Variants in LRRC4C observed in about 807,000 individuals in gnomAD.
LRRC4C encodes leucine-rich repeat-containing protein 4C.
Under a neutral mutation model 33.6 loss-of-function variants are expected in LRRC4C, and 5 were observed. That is an observed-to-expected ratio of 0.15 (90% CI 0.08 to 0.31). The LOEUF is 0.31. LRRC4C is among the 10% of genes least tolerant of loss of function. The pLI is 1.00. For missense variants in LRRC4C, 560 were observed against 796.7 expected, an observed-to-expected ratio of 0.70 and a Z score of 3.58; for synonymous variants, 329 against 302.0, an observed-to-expected ratio of 1.09 and a Z score of -0.93.
chr11:41,145,100 A>T (rs571315664), intron 1 of LRRC4C, among the ~76,000 whole-genome samples: 1 of 152,208 alleles, frequency 6.6e-6, no homozygotes, highest in African/African-American at 2.4e-5. Flanking sequence ...TGAGCAAAGC[A>T]TATAATCACA....
chr11:40,129,500 C>G (rs1340556445), intron 6 of LRRC4C, among the ~76,000 whole-genome samples: 2 of 152,048 alleles, frequency 1.3e-5, no homozygotes, highest in East Asian at 1.9e-4. Context: ...AACATGATTG[C>G]CTTGAAAATT....
chr11:40,775,045 A>C (rs1354574542), intron 2 of LRRC4C, among the ~76,000 whole-genome samples: 3 of 151,938 alleles, frequency 2.0e-5, no homozygotes, highest in Non-Finnish European at 4.4e-5. Flanking sequence ...ATAAATAAAA[A>C]ATCCAGTTTC....
intron 2 of LRRC4C, among the ~76,000 whole-genome samples, chr11:40,658,236 A>C (rs751868020): frequency 6.6e-6 from 1 of 152,226 alleles, no homozygotes; most frequent in Non-Finnish European, 1.5e-5. Context: ...TGTAGAATTT[A>C]GAACACCTGC....
intron 3 of LRRC4C, among the ~76,000 whole-genome samples, chr11:40,590,604 T>C (rs1331720155): frequency 6.6e-6 from 1 of 152,046 alleles, no homozygotes; most frequent in South Asian, 2.1e-4. Flanking sequence ...CCCATCTTTG[T>C]GGTTTTATCT....
intron 2 of LRRC4C, among the ~76,000 whole-genome samples, chr11:40,892,717 A>T (rs113119115): frequency 6.6e-6 from 1 of 152,214 alleles, no homozygotes; most frequent in Non-Finnish European, 1.5e-5. Flanking sequence ...TGCTTCACTT[A>T]TTAGGTACCT....
chr11:40,858,020 AGGG>A (rs1565140770), intron 2 of LRRC4C, among the ~76,000 whole-genome samples: 1,490 of 110,930 alleles, frequency 0.013, 35 homozygotes, highest in African/African-American at 0.044. Context: ...AAGGAAAGGA[AGGG>A]AAGGGAAGGG....
In LRRC4C at chr11:40,173,970, G is replaced by A. The variant is rs146584471; in HGVS notation, c.-95-33117C>T. Among the ~76,000 whole-genome samples the A allele has an allele frequency of 8.4e-4, 128 of 152,222 alleles. 1 individual carries two copies. The highest frequency in any genetic ancestry group is 2.9e-3 in the African/African-American group (119 of 41,538). On this transcript the variant is annotated intron_variant, in intron 5 of 6. Coordinates refer to ENST00000528697, the MANE Select transcript of LRRC4C (RefSeq NM_001258419.2). ...GCAGAGACCCCTAAAGTTCAGGCCC[G>A]TTTAACTTACCAATGTGCAAACTTG...
intron 1 of LRRC4C, among the ~76,000 whole-genome samples, chr11:41,180,690 T>C (rs1371938542): frequency 6.6e-6 from 1 of 152,152 alleles, no homozygotes; most frequent in Non-Finnish European, 1.5e-5. Flanking sequence ...CTGACTAAAG[T>C]CACTCAAGGG....
intron 1 of LRRC4C, among the ~76,000 whole-genome samples, chr11:41,371,616 G>T (rs371871696): frequency 6.6e-6 from 1 of 152,202 alleles, no homozygotes; most frequent in Admixed American, 6.5e-5. Flanking sequence ...AATGGGGATA[G>T]TTTCTGGCAT....
chr11:40,857,125 T>G (rs1565139389), intron 2 of LRRC4C, among the ~76,000 whole-genome samples: 1 of 152,224 alleles, frequency 6.6e-6, no homozygotes, highest in African/African-American at 2.4e-5. Flanking sequence ...TTCTTTAGTT[T>G]TTATAAGACA....
intron 4 of LRRC4C, among the ~76,000 whole-genome samples, chr11:40,272,508 C>T (rs1942781615): frequency 6.6e-6 from 1 of 151,996 alleles, no homozygotes; most frequent in South Asian, 2.1e-4. Flanking sequence ...TGGAGAGATT[C>T]TTGAAAAATT....
At chr11:40,820,752 A>T (rs1170283939) in intron 2 of LRRC4C, among the ~76,000 whole-genome samples, 1 of 151,858 alleles carries the variant, frequency 6.6e-6, no homozygotes, top group Admixed American at 6.6e-5. Context: ...TAACATTAGA[A>T]AGAAGACAAA....
At chr11:40,396,316 T>G (rs7947032) in intron 3 of LRRC4C, among the ~76,000 whole-genome samples, 1 of 151,932 alleles carries the variant, frequency 6.6e-6, no homozygotes, top group Non-Finnish European at 1.5e-5. Flanking sequence ...CAGTGCACAG[T>G]CAGTTTTATA....
chr11:40,207,433 C>T (rs1863241862), intron 5 of LRRC4C, among the ~76,000 whole-genome samples: 1 of 152,058 alleles, frequency 6.6e-6, no homozygotes, highest in South Asian at 2.1e-4. Context: ...AAGATTCCAT[C>T]CCTACAAATG....
intron 1 of LRRC4C, among the ~76,000 whole-genome samples, chr11:41,116,384 A>C (rs1942126084): frequency 6.6e-6 from 1 of 152,156 alleles, no homozygotes; most frequent in Admixed American, 6.6e-5. Flanking sequence ...AAACAGCTGA[A>C]GTTTATATCT....
At position 41,369,100 on chromosome 11, in the gene LRRC4C, G is replaced by A. The variant is rs1226766881; in HGVS notation, c.-496+90331C>T. On this transcript the variant is annotated intron_variant, in intron 1 of 6. Transcript: ENST00000528697. ...AATATTAGTCAAGCACCAATCATAT[G>A]TTAAACGAAAAATCTAAGTGCTGGA... Among the ~76,000 whole-genome samples the A allele has an allele frequency of 2.0e-5, 3 of 152,164 alleles. No individual in the cohort carries two copies. The East Asian group carries it at 5.8e-4, about 29-fold the overall frequency.
rs556657147 is a variant in LRRC4C, at chr11:41,351,480, G to A, written c.-496+107951C>T. On this transcript the variant is annotated intron_variant, in intron 1 of 6. Coordinates refer to ENST00000528697, the MANE Select transcript of LRRC4C (RefSeq NM_001258419.2). Reference sequence around the variant, plus strand: ...CTAAAGAGGTTGCCATGAAAATTCAGGAAACTCAAAGAACCCCTGTGTGGT... The same window carrying A: ...CTAAAGAGGTTGCCATGAAAATTCAAGAAACTCAAAGAACCCCTGTGTGGT... Among the ~76,000 whole-genome samples the A allele has an allele frequency of 1.1e-3, 135 of 122,290 alleles. 4 individuals carry two copies. In the East Asian group the frequency reaches 0.025, roughly 22 times the overall value. 80.2% of individuals were successfully genotyped at this position (122,290 alleles called of 152,430 possible).
At chr11:41,214,657 G>T (rs1446720541) in intron 1 of LRRC4C, among the ~76,000 whole-genome samples, 1 of 148,272 alleles carries the variant, frequency 6.7e-6, no homozygotes, top group Non-Finnish European at 1.5e-5. Context: ...GGCTGAGGCA[G>T]GAGAATGGCT....
intron 4 of LRRC4C, among the ~76,000 whole-genome samples, chr11:40,281,228 T>G (rs1943453660): frequency 6.6e-6 from 1 of 152,048 alleles, no homozygotes; most frequent in African/African-American, 2.4e-5. Context: ...ATGTTAACTC[T>G]TTTAGGGTGG....
Sources: allele counts gnomAD v4.1 joint callset (sites outside exome capture counted in the v4.1 genomes callset), GRCh38; gene constraint gnomAD v4.1.1; transcripts MANE v1.5; gene names NCBI Gene and HGNC (gene_info 2026-07-23, HGNC 2026-07-21).